PRKG1: variants seen among roughly 807,000 people sequenced by gnomAD.
PRKG1 encodes the protein protein kinase cGMP-dependent 1, also known as cGMP-dependent protein kinase 1.
A neutral mutation model predicts 88.1 loss-of-function variants in PRKG1; 35 were observed. The ratio of observed to expected loss-of-function variants is 0.40; its 90% confidence interval spans 0.30 to 0.53. The LOEUF is 0.53. PRKG1 is among the 20% of genes least tolerant of loss of function. PRKG1 has a pLI of 0.59. For synonymous variants in PRKG1, 303 were observed against 292.5 expected (o/e 1.04, Z -0.37); for missense variants, 540 against 839.8 (o/e 0.64, Z 4.41).
intron 5 of PRKG1, among the ~76,000 whole-genome samples, chr10:51,969,874 A>T (rs1843661470): frequency 6.6e-6 from 1 of 151,912 alleles, no homozygotes; most frequent in Non-Finnish European, 1.5e-5. Context: ...TTTGGAATTG[A>T]TTTTAAACTT....
intron 7 of PRKG1, among the ~76,000 whole-genome samples, chr10:52,097,878 G>A (rs1338291381): frequency 6.6e-6 from 1 of 151,764 alleles, no homozygotes; most frequent in Admixed American, 6.6e-5. Flanking sequence ...AGTCATTATA[G>A]GGCATAATGC....
rs144482423 is a variant in PRKG1 at position 51,356,215 on chromosome 10, G to A, written c.479-111508G>A. Among the ~76,000 whole-genome samples, 888 of 152,126 alleles carry A rather than the reference G, an allele frequency of 5.8e-3. 13 individuals are homozygous for A. Among genetic ancestry groups the A allele is most frequent in the African/African-American group, 0.021 (862 of 41,532 alleles). ...ATGTAGGTGAACCAGAATGGTTGAT[G>A]AAAATACTGCCAGAGCAAGTGTGAT... On this transcript the variant is annotated intron_variant, in intron 2 of 17. Transcript: ENST00000373980.
intron 3 of PRKG1, among the ~76,000 whole-genome samples, chr10:51,476,763 T>C (rs1469321383): frequency 2.0e-5 from 3 of 152,046 alleles, no homozygotes; most frequent in Non-Finnish European, 4.4e-5. Context: ...TCATTCGCTC[T>C]CATTCCTCCC....
chr10:51,299,667 A>G, intron 2 of PRKG1: 1 of 453,558 alleles, frequency 2.2e-6, no homozygotes. Context: ...CTGCAGATAC[A>G]GGTTACCTAT....
At chr10:51,518,915 G>A (rs1027117341) in intron 3 of PRKG1, among the ~76,000 whole-genome samples, 1 of 152,172 alleles carries the variant, frequency 6.6e-6, no homozygotes, top group Non-Finnish European at 1.5e-5. Context: ...ATAAGGATTT[G>A]AAGGGGAAAT....
chr10:51,517,602 C>A (rs907172475), intron 3 of PRKG1, among the ~76,000 whole-genome samples: 8 of 152,222 alleles, frequency 5.3e-5, no homozygotes, highest in Non-Finnish European at 1.0e-4. Flanking sequence ...TCTTCGTGAA[C>A]ATGCAAATCA....
chr10:51,349,454 TTG>T (rs34302728), intron 2 of PRKG1, among the ~76,000 whole-genome samples: 1,137 of 97,242 alleles, frequency 0.012, 14 homozygotes, highest in African/African-American at 0.032. Flanking sequence ...TTCATATTGT[TTG>T]TGTGTGTGTG....
intron 3 of PRKG1, among the ~76,000 whole-genome samples, chr10:51,518,436 C>T (rs1223596650): frequency 2.0e-5 from 3 of 152,182 alleles, no homozygotes; most frequent in Non-Finnish European, 4.4e-5. Flanking sequence ...CTTATCTCTG[C>T]TTTCCTTCTC....
intron 10 of PRKG1, 66 bp downstream of exon 10, chr10:52,251,732 T>A: frequency 7.8e-7 from 1 of 1,275,712 alleles, no homozygotes; most frequent in Non-Finnish European, 1.1e-6. Flanking sequence ...TCCCCTAGAT[T>A]AAGATTTCTT....
At chr10:52,081,482 TA>T (rs2133305051) in intron 7 of PRKG1, 1 of 427,230 alleles carries the variant, frequency 2.3e-6, no homozygotes, top group Admixed American at 2.5e-5. Flanking sequence ...TCACACCACC[TA>T]GCTAAAAAGT....
chr10:52,165,548 C>A (rs1335921508), intron 9 of PRKG1, among the ~76,000 whole-genome samples: 2 of 152,114 alleles, frequency 1.3e-5, no homozygotes, highest in Non-Finnish European at 2.9e-5. Context: ...TTTAGAAAGA[C>A]AATGTTAATT....
At chr10:51,906,468 A>G (rs1227544014) in intron 4 of PRKG1, among the ~76,000 whole-genome samples, 1 of 152,158 alleles carries the variant, frequency 6.6e-6, no homozygotes, top group Non-Finnish European at 1.5e-5. Context: ...CATATAAGGT[A>G]TATATTGGTT....
chr10:51,946,728 C>T (rs1843045658), intron 5 of PRKG1, among the ~76,000 whole-genome samples: 1 of 152,080 alleles, frequency 6.6e-6, no homozygotes, highest in Admixed American at 6.5e-5. Flanking sequence ...AGGTCCACTC[C>T]AGACACTGTT....
intron 5 of PRKG1, among the ~76,000 whole-genome samples, chr10:52,024,331 C>A (rs1399975385): frequency 7.6e-6 from 1 of 131,974 alleles, no homozygotes; most frequent in African/African-American, 2.7e-5. Context: ...TTTTTTTATT[C>A]TTTTTTTTAT....
At chr10:52,127,343 T>C (rs181439042) in intron 7 of PRKG1, among the ~76,000 whole-genome samples, 25 of 152,202 alleles carry the variant, frequency 1.6e-4, no homozygotes, top group Non-Finnish European at 2.1e-4. Flanking sequence ...GACTTCCAGA[T>C]AGAAGTATGT....
At chr10:51,867,265 A>C (rs761465433) in intron 4 of PRKG1, among the ~76,000 whole-genome samples, 1 of 152,186 alleles carries the variant, frequency 6.6e-6, no homozygotes, top group African/African-American at 2.4e-5. Flanking sequence ...AGAGGGAAGT[A>C]GCGGAATAGT....
intron 3 of PRKG1, among the ~76,000 whole-genome samples, chr10:51,470,753 T>C (rs1440872149): frequency 6.6e-6 from 1 of 151,926 alleles, no homozygotes; most frequent in African/African-American, 2.4e-5. Context: ...AGTAGTTTTC[T>C]TACTAAAGCT....
intron 2 of PRKG1, among the ~76,000 whole-genome samples, chr10:51,366,470 T>C (rs957994354): frequency 3.3e-5 from 5 of 151,972 alleles, no homozygotes; most frequent in Non-Finnish European, 5.9e-5. Flanking sequence ...CCATACTTTA[T>C]GGAGATAACT....
intron 4 of PRKG1, among the ~76,000 whole-genome samples, chr10:51,884,317 C>T (rs535532521): frequency 5.8e-4 from 86 of 147,190 alleles, no homozygotes; most frequent in African/African-American, 1.9e-3. Flanking sequence ...TGGTGGCGCG[C>T]GCCTGTAGTC....
Sources: gnomAD v4.1 joint callset for allele counts (sites outside exome capture counted in the v4.1 genomes callset) on GRCh38, gnomAD v4.1.1 for gene constraint, MANE v1.5 for transcripts, NCBI Gene and HGNC (gene_info 2026-07-23, HGNC 2026-07-21) for gene names.